Variants in AGBL3 observed in about 807,000 individuals in gnomAD.
The protein encoded by AGBL3 is cytosolic carboxypeptidase 3.
Under a neutral mutation model 94.5 loss-of-function variants are expected in AGBL3, and 68 were observed. That is an observed-to-expected ratio of 0.72 (90% CI 0.59 to 0.88). The LOEUF (loss-of-function observed/expected upper bound fraction) is 0.88. Among genes scored for constraint, AGBL3 ranks in the 40% least tolerant of loss-of-function variants. The pLI is 0.00. For missense variants in AGBL3, 934 were observed against 1,103.8 expected, an observed-to-expected ratio of 0.85 and a Z score of 2.18; for synonymous variants, 354 against 370.7, an observed-to-expected ratio of 0.95 and a Z score of 0.52.
intron 5 of AGBL3, 125 bp downstream of exon 5, chr7:135,017,284 T>A: frequency 1.4e-6 from 1 of 710,658 alleles, no homozygotes; most frequent in Non-Finnish European, 2.4e-6. Flanking sequence ...CATAAAGATG[T>A]TTGTTTATAT....
chr7:135,042,511 T>TA (rs1465237972), intron 8 of AGBL3, among the ~76,000 whole-genome samples: 3 of 152,084 alleles, frequency 2.0e-5, no homozygotes, highest in African/African-American at 7.2e-5. Flanking sequence ...TGCCAGGGGT[T>TA]AGAGGTGGCA....
chr7:135,011,033 T>TA (rs1400885339), intron 4 of AGBL3: 1 of 152,172 alleles, frequency 6.6e-6, no homozygotes, highest in Non-Finnish European at 1.5e-5. Flanking sequence ...TTGTAAGAGT[T>TA]ACTAGCTCTT....
intron 11 of AGBL3, among the ~76,000 whole-genome samples, chr7:135,050,227 T>C (rs1366282068): frequency 6.6e-6 from 1 of 152,054 alleles, no homozygotes; most frequent in Non-Finnish European, 1.5e-5. Flanking sequence ...TTCTGCTATT[T>C]ATCTAGTTTC....
At chr7:135,096,174 A>G (rs1240102509) in intron 15 of AGBL3, among the ~76,000 whole-genome samples, 1 of 151,782 alleles carries the variant, frequency 6.6e-6, no homozygotes, top group East Asian at 1.9e-4. Context: ...TTAATCTTTG[A>G]CTTTACCTGT....
At chr7:135,000,048 G>T (rs577487607) in intron 4 of AGBL3, among the ~76,000 whole-genome samples, 1 of 152,328 alleles carries the variant, frequency 6.6e-6, no homozygotes, top group South Asian at 2.1e-4. Context: ...TCCTGCACAT[G>T]AACAGAATGA....
intron 11 of AGBL3, among the ~76,000 whole-genome samples, chr7:135,058,191 AT>A (rs1478390167): frequency 6.6e-6 from 1 of 152,178 alleles, no homozygotes; most frequent in Admixed American, 6.5e-5. Context: ...TATGCAGGGA[AT>A]GGGGGCATGT....
chr7:135,011,539 T>C (rs1393756803), intron 4 of AGBL3: 1 of 152,104 alleles, frequency 6.6e-6, no homozygotes, highest in Non-Finnish European at 1.5e-5. Context: ...CTGGAATACA[T>C]AAAGCATTTC....
At chr7:135,134,804 G>C (rs909947169) in intron 16 of AGBL3, 37 bp from the exon 17 acceptor site, 3 of 1,531,608 alleles carry the variant, frequency 2.0e-6, no homozygotes, top group Non-Finnish European at 1.8e-6. Flanking sequence ...GTAGGTCCAT[G>C]ATGGACAAAA....
Position 135,040,857 on chromosome 7 carries a change from A to G in AGBL3, c.1501-3168A>G, listed in dbSNP as rs376671445. On this transcript the variant is annotated intron_variant, in intron 8 of 16. Transcript: ENST00000436302. ...CACAATTATCTACACAGAAAATCCAAAGTGATCCATGCACACACACACACA... is the reference window on the plus strand; with the variant it reads ...CACAATTATCTACACAGAAAATCCAGAGTGATCCATGCACACACACACACA... Among the ~76,000 whole-genome samples, 78 of 141,940 alleles carry G rather than the reference A, an allele frequency of 5.5e-4. 1 individual carries two copies. In the South Asian group the frequency reaches 0.017, roughly 32 times the overall value. The allele number at this position is 141,940 out of a possible 152,430, so 93.1% of individuals were successfully genotyped here.
chr7:135,129,054 C>T (rs868688855), intron 16 of AGBL3: 31 of 1,608,488 alleles, frequency 1.9e-5, no homozygotes, highest in South Asian at 3.3e-5. Context: ...GGTTCAATGC[C>T]TCAACTGCCC....
intron 16 of AGBL3, 187 bp downstream of exon 16, chr7:135,115,798 A>G (rs1469482567): frequency 1.9e-6 from 1 of 538,940 alleles, no homozygotes; most frequent in African/African-American, 1.9e-5. Flanking sequence ...GGAGTAAGTT[A>G]TCAGGCCTTA....
chr7:135,135,178 C>T lies in AGBL3; in HGVS notation c.2680C>T (p.His894Tyr). ...NQQSSKHTAL[H>Y]LTKNKDEQAN... is the part of the protein sequence containing the mutation. Reference sequence around the variant, plus strand: ...GCAAAGCTCTAAGCATACAGCCCTCCATCTAACTAAAAATAAGGATGAGCA... The same window carrying T: ...GCAAAGCTCTAAGCATACAGCCCTCTATCTAACTAAAAATAAGGATGAGCA... Residue 894 changes from histidine (H) to tyrosine (Y), a missense_variant, in exon 17 of 17, where the codon CAT becomes TAT. By Grantham distance (83) the His-to-Tyr change is moderately conservative. This residue lies in a region of AGBL3 where 441 missense variants were observed against 518.2 expected (regional missense o/e 0.85). Transcript: ENST00000436302. 6.5e-7 allele frequency: 1 copy of T among 1,549,764 alleles called. No homozygotes were observed. Among genetic ancestry groups the T allele is most frequent in the Non-Finnish European group, 8.7e-7 (1 of 1,146,260 alleles).
At chr7:135,052,163 C>A (rs945849445) in intron 11 of AGBL3, among the ~76,000 whole-genome samples, 1 of 151,976 alleles carries the variant, frequency 6.6e-6, no homozygotes, top group African/African-American at 2.4e-5. Flanking sequence ...TTTACTTATT[C>A]TTTGTTTTAC....
At chr7:135,023,098 C>G (rs899358567) in intron 5 of AGBL3, among the ~76,000 whole-genome samples, 1 of 152,066 alleles carries the variant, frequency 6.6e-6, no homozygotes, top group African/African-American at 2.4e-5. Flanking sequence ...AGTGTGAGCA[C>G]CTTACAAAAG....
intron 15 of AGBL3, among the ~76,000 whole-genome samples, chr7:135,082,596 A>T (rs1440238364): frequency 5.3e-5 from 8 of 152,112 alleles, no homozygotes; most frequent in African/African-American, 1.9e-4. Context: ...AAATTATTCT[A>T]AAATCTTGAC....
intron 12 of AGBL3, among the ~76,000 whole-genome samples, chr7:135,065,064 T>C (rs565750168): frequency 1.3e-5 from 2 of 152,308 alleles, no homozygotes; most frequent in South Asian, 2.1e-4. Context: ...ATCCTCACTA[T>C]ACTAAGTCTG....
chr7:135,096,430 A>G (rs1230592418), intron 15 of AGBL3, among the ~76,000 whole-genome samples: 14 of 151,670 alleles, frequency 9.2e-5, no homozygotes, highest in Admixed American at 9.2e-4. Flanking sequence ...AAAGAAAGAA[A>G]GAGATATATA....
chr7:135,130,667 T>TCTCATTTACCA (rs1828614211), intron 16 of AGBL3, among the ~76,000 whole-genome samples: 1 of 152,158 alleles, frequency 6.6e-6, no homozygotes, highest in Non-Finnish European at 1.5e-5. Context: ...TCTTGAATTA[T>TCTCATTTACCA]CTGCATTTAC....
At chr7:135,120,004 A>G (rs139954840) in intron 16 of AGBL3, among the ~76,000 whole-genome samples, 171 of 152,388 alleles carry the variant, frequency 1.1e-3, no homozygotes, top group Non-Finnish European at 1.9e-3. Context: ...AATTATTGGA[A>G]GAAATTGTCA....
Sources: allele counts gnomAD v4.1 joint callset (sites outside exome capture counted in the v4.1 genomes callset), GRCh38; gene constraint gnomAD v4.1.1; regional missense constraint gnomAD v4.1.1; transcripts MANE v1.5; gene names NCBI Gene and HGNC (gene_info 2026-07-23, HGNC 2026-07-21).